Variants in RPTOR observed in about 807,000 individuals in gnomAD.
RPTOR encodes regulatory-associated protein of mTOR.
RPTOR carries 21 observed loss-of-function variants against 169.9 expected under a neutral mutation model. The observed-to-expected ratio is 0.12, with a 90% CI of 0.09 to 0.18. The LOEUF is 0.18. Among genes scored for constraint, RPTOR ranks in the 10% least tolerant of loss-of-function variants. RPTOR has a pLI of 1.00. For synonymous variants in RPTOR, 732 were observed against 753.2 expected, an observed-to-expected ratio of 0.97 and a Z score of 0.46; for missense variants, 1,133 against 1,855.9, an observed-to-expected ratio of 0.61 and a Z score of 7.16.
At chr17:80,896,129 C>A (rs1027057096) in intron 20 of RPTOR, among the ~76,000 whole-genome samples, 17 of 151,846 alleles carry the variant, frequency 1.1e-4, no homozygotes, top group African/African-American at 3.6e-4. Context: ...TTAAAATTTT[C>A]CTTTTTTGTG....
chr17:80,842,234 C>T (rs1374367232), intron 10 of RPTOR, among the ~76,000 whole-genome samples: 1 of 152,208 alleles, frequency 6.6e-6, no homozygotes, highest in African/African-American at 2.4e-5. Context: ...TGATATTGGT[C>T]CTCCCTTTGA....
chr17:80,795,839 C>T (rs1356191920), intron 7 of RPTOR, among the ~76,000 whole-genome samples: 2 of 152,206 alleles, frequency 1.3e-5, no homozygotes, highest in Non-Finnish European at 2.9e-5. Context: ...CATCCTGACA[C>T]GACCTTGGCT....
In RPTOR at chr17:80,634,687, CT is replaced by C. The variant is rs2065486622; in HGVS notation, c.265+8895del. Among the ~76,000 whole-genome samples, 2 of 79,446 alleles carry C rather than the reference CT, an allele frequency of 2.5e-5. 1 individual carries two copies. The highest frequency in any genetic ancestry group is 2.5e-4 in the Admixed American group (2 of 7,898). 52.1% of individuals were successfully genotyped at this position (79,446 alleles called of 152,430 possible). ...TGTGTGTGCGTACTGTGTGTGCGTA[CT>C]GTGTGCGTGTGCGTACTGTGTGTGT... is the stretch of plus-strand genomic sequence containing the variant. On this transcript the variant is annotated intron_variant, in intron 2 of 33. Transcript: ENST00000306801.
intron 1 of RPTOR, among the ~76,000 whole-genome samples, chr17:80,547,184 AG>A (rs1360156298): frequency 4.6e-5 from 7 of 152,202 alleles, no homozygotes; most frequent in Non-Finnish European, 8.8e-5. Flanking sequence ...TTCATCCAAA[AG>A]CATTTTAAGG....
intron 33 of RPTOR, 38 bp downstream of exon 33, chr17:80,963,095 CT>C: frequency 2.9e-6 from 1 of 350,370 alleles, no homozygotes; most frequent in Admixed American, 1.2e-4. Flanking sequence ...GGGTCGGGGG[CT>C]GGGGTAGAGG....
intron 24 of RPTOR, among the ~76,000 whole-genome samples, chr17:80,930,300 T>TCAAC (rs2068868103): frequency 4.2e-4 from 2 of 4,808 alleles, no homozygotes; most frequent in South Asian, 6.3e-3. Flanking sequence ...TTAGCTCATC[T>TCAAC]TCAGCTCATC....
intron 20 of RPTOR, among the ~76,000 whole-genome samples, chr17:80,897,003 G>A (rs1485021902): frequency 1.3e-5 from 2 of 152,224 alleles, no homozygotes; most frequent in Non-Finnish European, 2.9e-5. Context: ...CCTCACGCCT[G>A]TAATCCCAGC....
chr17:80,946,880 C>T (rs973166075), intron 26 of RPTOR, among the ~76,000 whole-genome samples: 8 of 152,336 alleles, frequency 5.3e-5, no homozygotes, highest in Middle Eastern at 3.4e-3. Context: ...GTTTAATTTT[C>T]GGAGGAACCA....
rs1599619455 is a variant in RPTOR at position 80,633,595 on chromosome 17, T to G, written c.265+7802T>G. 6.6e-6 allele frequency among the ~76,000 whole-genome samples: 1 copy of G among 152,254 alleles called. No individual in the cohort carries two copies. The highest frequency in any genetic ancestry group is 6.5e-5 in the Admixed American group (1 of 15,286). On this transcript the variant is annotated intron_variant, in intron 2 of 33. Coordinates refer to ENST00000306801, the MANE Select transcript of RPTOR (RefSeq NM_020761.3). The surrounding 1 kb of genome is among the most constrained non-coding windows in gnomAD (Gnocchi z 4.1). ...GGCTGCACCAGGTGATGCGGGGCTGTGATCTATCCATTACTGGTCATGCAG... is the reference window on the plus strand; with the variant it reads ...GGCTGCACCAGGTGATGCGGGGCTGGGATCTATCCATTACTGGTCATGCAG...
At chr17:80,576,595 C>G (rs1386714389) in intron 1 of RPTOR, among the ~76,000 whole-genome samples, 1 of 152,234 alleles carries the variant, frequency 6.6e-6, no homozygotes. Context: ...CGTCTCAGAA[C>G]TTTCCTATGG....
intron 9 of RPTOR, among the ~76,000 whole-genome samples, chr17:80,833,149 G>A (rs1297689924): frequency 1.3e-5 from 2 of 152,188 alleles, no homozygotes; most frequent in African/African-American, 4.8e-5. Flanking sequence ...TGGAGGCTGT[G>A]CGGACTTGGA....
chr17:80,885,208 G>T (rs1371945488), intron 17 of RPTOR, 60 bp downstream of exon 17: 5 of 1,529,800 alleles, frequency 3.3e-6, no homozygotes, highest in Non-Finnish European at 2.6e-6. Context: ...GTGACACCTG[G>T]GGCCAAGCCC....
At chr17:80,914,828 G>T (rs2068653908) in intron 21 of RPTOR, among the ~76,000 whole-genome samples, 1 of 152,240 alleles carries the variant, frequency 6.6e-6, no homozygotes, top group African/African-American at 2.4e-5. Context: ...GGCAGACAGG[G>T]TCCTGGGCAG....
At chr17:80,833,708 G>A (rs2067532503) in intron 9 of RPTOR, among the ~76,000 whole-genome samples, 1 of 152,238 alleles carries the variant, frequency 6.6e-6, no homozygotes. Flanking sequence ...TTGCCGTGCA[G>A]GCCGGGTGCA....
chr17:80,806,837 A>G (rs1231625620), intron 7 of RPTOR, among the ~76,000 whole-genome samples: 1 of 152,086 alleles, frequency 6.6e-6, no homozygotes, highest in African/African-American at 2.4e-5. Context: ...GCTTATACAT[A>G]TATCTTAACA....
intron 14 of RPTOR, among the ~76,000 whole-genome samples, chr17:80,883,101 T>A (rs2068204046): frequency 6.6e-6 from 1 of 151,966 alleles, no homozygotes; most frequent in Admixed American, 6.6e-5. Flanking sequence ...GGAGGTGAGG[T>A]CCGGGTGCTT....
intron 1 of RPTOR, among the ~76,000 whole-genome samples, chr17:80,613,515 A>G (rs1456336750): frequency 6.6e-6 from 1 of 152,244 alleles, no homozygotes; most frequent in Non-Finnish European, 1.5e-5. Flanking sequence ...ATGTAGTAAC[A>G]TTCATATATG....
At chr17:80,595,275 A>G (rs1034920375) in intron 1 of RPTOR, among the ~76,000 whole-genome samples, 1 of 152,246 alleles carries the variant, frequency 6.6e-6, no homozygotes, top group African/African-American at 2.4e-5. Context: ...CCTTTACACT[A>G]GCTCCAGCTT....
chr17:80,770,288 A>G (rs987526939), intron 6 of RPTOR, among the ~76,000 whole-genome samples: 1 of 152,144 alleles, frequency 6.6e-6, no homozygotes, highest in Non-Finnish European at 1.5e-5. Context: ...TCTAAAGCCC[A>G]CCTCTTAGCA....
Sources: allele counts gnomAD v4.1 joint callset (sites outside exome capture counted in the v4.1 genomes callset), GRCh38; gene constraint gnomAD v4.1.1; non-coding constraint Gnocchi (gnomAD v3.1); transcripts MANE v1.5; gene names NCBI Gene and HGNC (gene_info 2026-07-23, HGNC 2026-07-21).